Variants in MELK observed in about 807,000 individuals in gnomAD.
MELK encodes maternal embryonic leucine zipper kinase.
A neutral mutation model predicts 85.0 loss-of-function variants in MELK; 81 were observed. That is an observed-to-expected ratio of 0.95 (90% CI 0.80 to 1.15). The LOEUF (loss-of-function observed/expected upper bound fraction) is 1.15. MELK is among the 50% of genes most tolerant of loss of function. The probability of loss-of-function intolerance (pLI) is 0.00; values close to 1 mark genes in which losing one functional copy is unlikely to be tolerated. For missense variants in MELK, 754 were observed against 777.5 expected (o/e 0.97, Z 0.36); for synonymous variants, 252 against 265.0 (o/e 0.95, Z 0.48).
At chr9:36,676,754 A>T (rs1833384120) in intron 17 of MELK, among the ~76,000 whole-genome samples, 1 of 152,204 alleles carries the variant, frequency 6.6e-6, no homozygotes, top group Admixed American at 6.5e-5. Context: ...GACAAGGCTC[A>T]CACACATGAA....
At chr9:36,649,640 G>A (rs1299429072) in intron 11 of MELK, among the ~76,000 whole-genome samples, 2 of 152,090 alleles carry the variant, frequency 1.3e-5, no homozygotes, top group African/African-American at 4.8e-5. Flanking sequence ...GTGGTGGCAT[G>A]TGCCTGTAAT....
At position 36,641,639 on chromosome 9, in the gene MELK, C is replaced by G. The variant is rs567128476; in HGVS notation, c.835-1358C>G. Among the ~76,000 whole-genome samples the G allele has an allele frequency of 3.0e-4, 42 of 140,368 alleles. 1 individual carries two copies. The East Asian group carries it at 8.6e-3, about 29-fold the overall frequency. 92.1% of individuals were successfully genotyped at this position (140,368 alleles called of 152,430 possible). ...TTTTTTTTTTGGAGATGGAGTTTCACTGTTGTTGCCCAGCCTGGAGTGCAA... is the reference window on the plus strand; with the variant it reads ...TTTTTTTTTTGGAGATGGAGTTTCAGTGTTGTTGCCCAGCCTGGAGTGCAA... On this transcript the variant is annotated intron_variant, in intron 10 of 17. Coordinates refer to ENST00000298048, the MANE Select transcript of MELK (RefSeq NM_014791.4).
intron 10 of MELK, among the ~76,000 whole-genome samples, chr9:36,638,641 A>G (rs1829437369): frequency 6.6e-6 from 1 of 152,200 alleles, no homozygotes; most frequent in Admixed American, 6.5e-5. Context: ...AGAGTAGAAT[A>G]GTGTACTATT....
chr9:36,574,494 T>C (rs1821439942), intron 1 of MELK, among the ~76,000 whole-genome samples: 1 of 148,758 alleles, frequency 6.7e-6, no homozygotes, highest in South Asian at 2.1e-4. Flanking sequence ...TCCCAGCAAC[T>C]GGGGAGGCTG....
intron 7 of MELK, 61 bp from the exon 8 acceptor site, chr9:36,607,514 C>A: frequency 8.2e-7 from 1 of 1,217,484 alleles, no homozygotes. Context: ...AGAGTCCTAC[C>A]ATTCTGAAAT....
intron 8 of MELK, among the ~76,000 whole-genome samples, chr9:36,615,843 C>T (rs1010992623): frequency 4.7e-5 from 7 of 149,620 alleles, no homozygotes; most frequent in Non-Finnish European, 7.4e-5. Context: ...GGATGGCGGC[C>T]GGGCGGAGAC....
chr9:36,608,858 C>T (rs1825816791), intron 8 of MELK, among the ~76,000 whole-genome samples: 1 of 152,230 alleles, frequency 6.6e-6, no homozygotes, highest in African/African-American at 2.4e-5. Flanking sequence ...GCTGGGATTA[C>T]AGGCATGAGC....
At chr9:36,672,489 A>G (rs1012720334) in intron 16 of MELK, among the ~76,000 whole-genome samples, 3 of 152,228 alleles carry the variant, frequency 2.0e-5, no homozygotes, top group Non-Finnish European at 2.9e-5. Context: ...TGGAACCTGA[A>G]TGCATTTTTC....
At chr9:36,635,089 C>A (rs1450862652) in intron 10 of MELK, among the ~76,000 whole-genome samples, 1 of 151,824 alleles carries the variant, frequency 6.6e-6, no homozygotes, top group African/African-American at 2.4e-5. Context: ...GTATTAAAAA[C>A]GTACTCAGAA....
intron 8 of MELK, among the ~76,000 whole-genome samples, chr9:36,613,570 G>A (rs72733426): frequency 1.1e-4 from 17 of 152,330 alleles, no homozygotes; most frequent in Non-Finnish European, 2.1e-4. Flanking sequence ...GGAATCAGGA[G>A]TACAGATGGG....
At chr9:36,638,240 A>C (rs954940053) in intron 10 of MELK, among the ~76,000 whole-genome samples, 1 of 152,146 alleles carries the variant, frequency 6.6e-6, no homozygotes, top group African/African-American at 2.4e-5. Context: ...AAAATATATA[A>C]AGTTATGAGT....
At chr9:36,596,722 G>A (rs1824326572) in intron 5 of MELK, among the ~76,000 whole-genome samples, 1 of 151,616 alleles carries the variant, frequency 6.6e-6, no homozygotes, top group African/African-American at 2.4e-5. Context: ...AAGTAGCTGG[G>A]ATTACAGGTA....
At chr9:36,594,874 TTTG>T (rs1587364531) in intron 5 of MELK, 103 bp downstream of exon 5, 10 of 1,357,650 alleles carry the variant, frequency 7.4e-6, no homozygotes, top group Non-Finnish European at 8.9e-6. Flanking sequence ...TGGTTTGCTT[TTTG>T]TTGTTGTTGC....
Position 36,643,037 on chromosome 9 carries a change from T to C in MELK, c.875T>C (p.Val292Ala). Residue 292 changes from valine to alanine, a missense_variant, in exon 11 of 18, where the codon GTA becomes GCA. Physicochemically the swap from Val to Ala is moderately conservative, Grantham distance 64. Transcript: ENST00000298048. ...GATGATTGCGTAACAGAACTTTCTG[T>C]ACATCACAGAAACAACAGGCAAACA... is the stretch of plus-strand genomic sequence containing the variant. ...LDDDCVTELS[V>A]HHRNNRQTME... 6.2e-7 allele frequency: 1 copy of C among 1,613,214 alleles called. No homozygotes were observed.
intron 4 of MELK, among the ~76,000 whole-genome samples, chr9:36,593,837 G>A (rs562284859): frequency 2.0e-5 from 3 of 152,094 alleles, no homozygotes; most frequent in Admixed American, 6.6e-5. Flanking sequence ...GATTACAGGC[G>A]CCCGCCACCA....
At chr9:36,633,308 C>T in intron 10 of MELK, 108 bp downstream of exon 10, 2 of 759,474 alleles carry the variant, frequency 2.6e-6, no homozygotes, top group Non-Finnish European at 4.2e-6. Context: ...ATATATTAAT[C>T]AGATTGGTGT....
In MELK at chr9:36,579,174, T is replaced by A. The variant is rs189391812; in HGVS notation, c.-38-2470T>A. Among the ~76,000 whole-genome samples, 4 of 152,318 alleles carry A rather than the reference T, an allele frequency of 2.6e-5. No homozygotes were observed. In the East Asian group the frequency reaches 7.7e-4, roughly 29 times the overall value. On this transcript the variant is annotated intron_variant, in intron 1 of 17. Coordinates refer to ENST00000298048, the MANE Select transcript of MELK (RefSeq NM_014791.4). ...TCCCGAGTAGCTGGGATTAGAGGCA[T>A]GTGGCACCACACCTGGCTAATTTTG... is the stretch of plus-strand genomic sequence containing the variant.
intron 11 of MELK, among the ~76,000 whole-genome samples, chr9:36,650,627 A>C (rs1185265850): frequency 2.0e-5 from 3 of 152,238 alleles, no homozygotes; most frequent in Non-Finnish European, 4.4e-5. Flanking sequence ...CAGACATGCA[A>C]GATCTCAAAA....
intron 11 of MELK, among the ~76,000 whole-genome samples, chr9:36,648,141 A>T (rs1830390251): frequency 6.6e-6 from 1 of 152,166 alleles, no homozygotes. Flanking sequence ...TGAACAGCTA[A>T]GTTTACGTCG....
Sources: allele counts gnomAD v4.1 joint callset (sites outside exome capture counted in the v4.1 genomes callset), GRCh38; gene constraint gnomAD v4.1.1; transcripts MANE v1.5; gene names NCBI Gene and HGNC (gene_info 2026-07-23, HGNC 2026-07-21).